The following GALNTL6 variants were observed in gnomAD, a reference collection of about 807,000 sequenced individuals.
GALNTL6 encodes the protein polypeptide N-acetylgalactosaminyltransferase like 6, also known as polypeptide N-acetylgalactosaminyltransferase-like 6.
GALNTL6 carries 46 observed loss-of-function variants against 73.7 expected under a neutral mutation model. That is an observed-to-expected ratio of 0.62 (90% confidence interval 0.49 to 0.80). The LOEUF (loss-of-function observed/expected upper bound fraction) is 0.80, where lower values mean the gene tolerates loss of function less well. Among genes scored for constraint, GALNTL6 ranks in the 30% least tolerant of loss-of-function variants. The pLI, the probability that GALNTL6 is intolerant of heterozygous loss-of-function variation, is 0.00. For synonymous variants in GALNTL6, 259 were observed against 263.7 expected, an observed-to-expected ratio of 0.98 and a Z score of 0.17; for missense variants, 604 against 755.0, an observed-to-expected ratio of 0.80 and a Z score of 2.34.
In GALNTL6 at chr4:172,356,162, A is replaced by C. The variant is rs116448489; in HGVS notation, c.553+7473A>C. Among the ~76,000 whole-genome samples, 1,093 of 152,318 alleles carry C rather than the reference A, an allele frequency of 7.2e-3. 8 individuals are homozygous for C. The highest frequency in any genetic ancestry group is 0.025 in the African/African-American group (1,031 of 41,584). On this transcript the variant is annotated intron_variant, in intron 5 of 12. Coordinates refer to ENST00000506823, the MANE Select transcript of GALNTL6 (RefSeq NM_001034845.3). The stretch of plus-strand genomic sequence containing the variant: ...CAAAGGCATGACTTCCTCAAGAAAA[A>C]TAAATTGTGCAATTCATTTCATGGC...
chr4:172,281,028 G>C (rs576696323), intron 3 of GALNTL6, among the ~76,000 whole-genome samples: 2 of 151,794 alleles, frequency 1.3e-5, no homozygotes, highest in Non-Finnish European at 2.9e-5. Flanking sequence ...AATTAGCCGG[G>C]CGTGGTGGCG....
Position 172,311,657 on chromosome 4 carries a change from C to A in GALNTL6, c.291C>A (p.Asp97Glu), listed in dbSNP as rs1430811589. 1 of 1,611,770 alleles carries A rather than the reference C, an allele frequency of 6.2e-7. No individual in the cohort carries two copies. The highest frequency in any genetic ancestry group is 8.5e-7 in the Non-Finnish European group (1 of 1,178,606). Reference protein sequence around the residue: ...HGKPYPLTEEDHDDSAYRENG... With the variant: ...HGKPYPLTEEEHDDSAYRENG... ...AACCTTACCCCCTTACTGAAGAGGA[C>A]CATGATGACTCAGCTTACAGGGAAA... is the stretch of plus-strand genomic sequence containing the variant. Residue 97 changes from aspartate (D) to glutamate (E), a missense_variant, in exon 4 of 13, where the codon GAC (aspartate) becomes GAA (glutamate). Physicochemically the swap from Asp to Glu is conservative, Grantham distance 45. Around this residue, in one of 5 missense-constraint regions of GALNTL6, gnomAD observed 141 missense variants for 156.6 expected, o/e 0.90. Coordinates refer to ENST00000506823, the MANE Select transcript of GALNTL6 (RefSeq NM_001034845.3).
rs187537449 is a variant in GALNTL6 at position 172,159,129 on chromosome 4, G to A, written c.139-70527G>A. On this transcript the variant is annotated intron_variant, in intron 2 of 12. Coordinates refer to ENST00000506823, the MANE Select transcript of GALNTL6 (RefSeq NM_001034845.3). ...AACTTTGTGGAAGCTAGATTAAGGC[G>A]CAACTCCAGGAAGACACAGTTTGCA... Among the ~76,000 whole-genome samples the A allele has an allele frequency of 4.9e-4, 75 of 152,240 alleles. 1 individual carries two copies. In the South Asian group the frequency reaches 7.5e-3, roughly 15 times the overall value.
chr4:172,146,137 G>T (rs1239358117), intron 2 of GALNTL6, among the ~76,000 whole-genome samples: 2 of 152,124 alleles, frequency 1.3e-5, no homozygotes, highest in Non-Finnish European at 2.9e-5. Context: ...AGGAAGAATA[G>T]AATTCCCTTA....
chr4:172,489,812 G>A (rs750071112), intron 5 of GALNTL6, among the ~76,000 whole-genome samples: 3 of 152,088 alleles, frequency 2.0e-5, no homozygotes, highest in Non-Finnish European at 2.9e-5. Context: ...TTTCTGGATG[G>A]AACATTTGGT....
chr4:172,850,642 T>G (rs1743764824), intron 7 of GALNTL6, among the ~76,000 whole-genome samples: 1 of 152,044 alleles, frequency 6.6e-6, no homozygotes, highest in African/African-American at 2.4e-5. Context: ...ATCCAACAGG[T>G]GAAAAGCTTA....
intron 7 of GALNTL6, among the ~76,000 whole-genome samples, chr4:172,860,708 C>G: frequency 6.6e-6 from 1 of 152,014 alleles, no homozygotes; most frequent in East Asian, 1.9e-4. Flanking sequence ...ATAATATTTA[C>G]GAGGAAAATA....
At chr4:172,922,997 GGTAGGCTA>G (rs1747870566) in intron 8 of GALNTL6, among the ~76,000 whole-genome samples, 1 of 152,190 alleles carries the variant, frequency 6.6e-6, no homozygotes, top group Non-Finnish European at 1.5e-5. Flanking sequence ...ACCAGAAACA[GGTAGGCTA>G]GTTATAAGCA....
intron 10 of GALNTL6, among the ~76,000 whole-genome samples, chr4:172,956,701 G>A (rs935230564): frequency 2.6e-5 from 4 of 152,172 alleles, no homozygotes; most frequent in Non-Finnish European, 5.9e-5. Context: ...AGCTCAAATG[G>A]GCTGTACCTT....
chr4:172,901,456 A>C (rs1746625647), intron 8 of GALNTL6, among the ~76,000 whole-genome samples: 1 of 152,318 alleles, frequency 6.6e-6, no homozygotes, highest in Non-Finnish European at 1.5e-5. Context: ...ACTGTAAAAT[A>C]TACCCTGGTC....
intron 6 of GALNTL6, among the ~76,000 whole-genome samples, chr4:172,810,665 C>T (rs1253125404): frequency 1.3e-5 from 2 of 152,112 alleles, no homozygotes; most frequent in Non-Finnish European, 2.9e-5. Context: ...CACCCAACAC[C>T]CTCCACCACA....
chr4:171,934,216 G>T (rs566386023), intron 2 of GALNTL6, among the ~76,000 whole-genome samples: 2 of 152,280 alleles, frequency 1.3e-5, no homozygotes, highest in South Asian at 4.1e-4. Context: ...GCTCTCATCT[G>T]TGACATAAGA....
intron 2 of GALNTL6, among the ~76,000 whole-genome samples, chr4:171,956,388 C>A (rs1441265570): frequency 6.6e-6 from 1 of 152,004 alleles, no homozygotes; most frequent in African/African-American, 2.4e-5. Context: ...CCAATTATTT[C>A]CTAAGGATAA....
chr4:172,932,029 T>C (rs970041878), intron 9 of GALNTL6, among the ~76,000 whole-genome samples: 2 of 152,300 alleles, frequency 1.3e-5, no homozygotes, highest in African/African-American at 4.8e-5. Flanking sequence ...AATCGAAATC[T>C]AGAAAAAGAG....
At chr4:172,264,014 T>A (rs1204845386) in intron 3 of GALNTL6, among the ~76,000 whole-genome samples, 1 of 151,410 alleles carries the variant, frequency 6.6e-6, no homozygotes, top group Non-Finnish European at 1.5e-5. Flanking sequence ...TCTCCAGGAG[T>A]ATTACTAATA....
chr4:172,599,437 G>A (rs1274750001), intron 5 of GALNTL6, among the ~76,000 whole-genome samples: 2 of 152,126 alleles, frequency 1.3e-5, no homozygotes, highest in African/African-American at 2.4e-5. Flanking sequence ...ATATTTTAAT[G>A]TATTGCTGAG....
At chr4:172,202,862 TTAAA>T (rs959564292) in intron 2 of GALNTL6, among the ~76,000 whole-genome samples, 3 of 152,168 alleles carry the variant, frequency 2.0e-5, no homozygotes, top group Non-Finnish European at 4.4e-5. Flanking sequence ...TGAAAGTTAT[TTAAA>T]TAAGGCTAAT....
chr4:172,211,832 C>G (rs928338229), intron 2 of GALNTL6, among the ~76,000 whole-genome samples: 1 of 152,168 alleles, frequency 6.6e-6, no homozygotes, highest in Non-Finnish European at 1.5e-5. Flanking sequence ...AGATAGCTTG[C>G]TTAAGCCTCT....
chr4:172,001,405 C>T (rs940673181), intron 2 of GALNTL6, among the ~76,000 whole-genome samples: 2 of 152,066 alleles, frequency 1.3e-5, no homozygotes, highest in African/African-American at 4.8e-5. Context: ...TGATTCTGTC[C>T]TCTGTGGGGC....
Sources: gnomAD v4.1 joint callset for allele counts (sites outside exome capture counted in the v4.1 genomes callset) on GRCh38, gnomAD v4.1.1 for gene constraint, gnomAD v4.1.1 regional missense constraint, MANE v1.5 for transcripts, NCBI Gene and HGNC (gene_info 2026-07-23, HGNC 2026-07-21) for gene names.